DLG2: variants seen among roughly 807,000 people sequenced by gnomAD.
DLG2 encodes the protein discs large MAGUK scaffold protein 2, also known as disks large homolog 2.
Under a neutral mutation model 132.5 loss-of-function variants are expected in DLG2, and 45 were observed. The observed-to-expected ratio is 0.34, with a 90% CI of 0.27 to 0.44. The LOEUF (loss-of-function observed/expected upper bound fraction) is 0.44, where lower values mean the gene tolerates loss of function less well. Ranked by LOEUF, DLG2 falls within the 20% of genes least tolerant of loss-of-function variation. DLG2 has a pLI of 1.00. For missense variants in DLG2, 1,045 were observed against 1,196.9 expected (o/e 0.87, Z 1.87); for synonymous variants, 424 against 419.6 (o/e 1.01, Z -0.13).
intron 7 of DLG2, among the ~76,000 whole-genome samples, chr11:84,428,779 G>T (rs998805766): frequency 9.8e-5 from 15 of 152,306 alleles, no homozygotes; most frequent in African/African-American, 3.1e-4. Flanking sequence ...GTGGGATGGA[G>T]ATTCTCTAAA....
intron 3 of DLG2, among the ~76,000 whole-genome samples, chr11:85,377,605 T>C (rs1272616020): frequency 6.6e-6 from 1 of 151,980 alleles, no homozygotes; most frequent in Non-Finnish European, 1.5e-5. Flanking sequence ...AAAAAAGACA[T>C]TGTTCCTTAG....
chr11:84,571,628 A>G (rs534221774), intron 6 of DLG2, among the ~76,000 whole-genome samples: 3 of 152,190 alleles, frequency 2.0e-5, no homozygotes, highest in Non-Finnish European at 4.4e-5. Flanking sequence ...TTCCCTATGA[A>G]CAAGCAGCAC....
intron 6 of DLG2, among the ~76,000 whole-genome samples, chr11:84,870,470 C>T (rs2085304930): frequency 6.6e-6 from 1 of 152,126 alleles, no homozygotes; most frequent in Admixed American, 6.5e-5. Flanking sequence ...CCTTTCCTCC[C>T]CGATTAATAG....
intron 12 of DLG2, among the ~76,000 whole-genome samples, chr11:83,976,035 G>C (rs1592184562): frequency 6.6e-6 from 1 of 151,810 alleles, no homozygotes. Context: ...AGATACATAC[G>C]TTAAATTCTG....
In DLG2 at chr11:84,823,986, G is replaced by A. The variant is rs73514951; in HGVS notation, c.357+287675C>T. Among the ~76,000 whole-genome samples, 235 of 152,048 alleles carry A rather than the reference G, an allele frequency of 1.5e-3. 1 individual carries two copies. Among genetic ancestry groups the A allele is most frequent in the African/African-American group, 5.4e-3 (225 of 41,542 alleles). ...TCTAGGCATTGTGAGAAGCACTTGAGTGAGTTACTAATAGGAGTAAAACAA... is the reference window on the plus strand; with the variant it reads ...TCTAGGCATTGTGAGAAGCACTTGAATGAGTTACTAATAGGAGTAAAACAA... On this transcript the variant is annotated intron_variant, in intron 6 of 27. Coordinates refer to ENST00000376104, the MANE Select transcript of DLG2 (RefSeq NM_001142699.3).
chr11:85,529,470 C>T (rs1019709070), intron 3 of DLG2, among the ~76,000 whole-genome samples: 1 of 151,914 alleles, frequency 6.6e-6, no homozygotes, highest in African/African-American at 2.4e-5. Flanking sequence ...TCACTTGCTA[C>T]AAGAATAAAG....
intron 5 of DLG2, among the ~76,000 whole-genome samples, chr11:85,120,413 A>G (rs1216067327): frequency 6.6e-6 from 1 of 152,046 alleles, no homozygotes; most frequent in East Asian, 1.9e-4. Context: ...TTGCAAGAAA[A>G]CACCATATCT....
intron 3 of DLG2, among the ~76,000 whole-genome samples, chr11:85,304,487 G>T (rs1166029744): frequency 1.3e-5 from 2 of 152,020 alleles, no homozygotes; most frequent in African/African-American, 4.8e-5. Context: ...TTGAAAAAGA[G>T]ATTATACAGG....
At chr11:83,669,655 A>AT (rs1348727492) in intron 18 of DLG2, among the ~76,000 whole-genome samples, 1 of 152,194 alleles carries the variant, frequency 6.6e-6, no homozygotes, top group African/African-American at 2.4e-5. Flanking sequence ...TTTTGACTCT[A>AT]TTTTGAAGGG....
chr11:83,897,647 G>C (rs547843302), intron 15 of DLG2, among the ~76,000 whole-genome samples: 3 of 152,100 alleles, frequency 2.0e-5, no homozygotes, highest in Non-Finnish European at 2.9e-5. Context: ...ATCACCCATT[G>C]ATTTATTCCA....
intron 19 of DLG2, among the ~76,000 whole-genome samples, chr11:83,558,848 C>CGT (rs3039336): frequency 0.13 from 18,467 of 142,110 alleles, 1,291 homozygotes; most frequent in East Asian, 0.22. Flanking sequence ...TGCTAGATGT[C>CGT]GTGTGTGTGT....
chr11:85,529,198 A>G lies in DLG2; in HGVS notation c.40+69459T>C, dbSNP rs566792271. 7.9e-5 allele frequency among the ~76,000 whole-genome samples: 12 copies of G among 152,326 alleles called. No homozygotes were observed. The East Asian group carries it at 2.1e-3, about 27-fold the overall frequency. ...CTTTGAGAAATGTAGGAGCATACAG[A>G]TGGAACTCTCCTTCACCTACATTCC... is the stretch of plus-strand genomic sequence containing the variant. On this transcript the variant is annotated intron_variant, in intron 3 of 27. Coordinates refer to ENST00000376104, the MANE Select transcript of DLG2 (RefSeq NM_001142699.3).
chr11:84,993,969 C>T (rs1484469179), intron 6 of DLG2, among the ~76,000 whole-genome samples: 1 of 152,056 alleles, frequency 6.6e-6, no homozygotes, highest in Non-Finnish European at 1.5e-5. Flanking sequence ...AGCAAACCAC[C>T]GTGGCACATG....
At chr11:85,123,807 AG>A (rs1370634544) in intron 5 of DLG2, among the ~76,000 whole-genome samples, 1 of 152,234 alleles carries the variant, frequency 6.6e-6, no homozygotes, top group East Asian at 1.9e-4. Context: ...ATATTAAAAC[AG>A]AGATATGAGG....
rs190892772 is a variant in DLG2, at chr11:83,974,652, C to T, written c.1056+5854G>A. Reference sequence around the variant, plus strand: ...CGTATTTGGTCACAGAGTCTATTCACGTGACACAGAAAAGAGAACAATATT... The same window carrying T: ...CGTATTTGGTCACAGAGTCTATTCATGTGACACAGAAAAGAGAACAATATT... On this transcript the variant is annotated intron_variant, in intron 12 of 27. Transcript: ENST00000376104. 3.4e-3 allele frequency among the ~76,000 whole-genome samples: 512 copies of T among 152,008 alleles called. 2 individuals carry two copies. The highest frequency in any genetic ancestry group is 4.1e-3 in the Non-Finnish European group (277 of 67,930).
chr11:85,515,511 A>T (rs552238618), intron 3 of DLG2, among the ~76,000 whole-genome samples: 1 of 152,068 alleles, frequency 6.6e-6, no homozygotes, highest in South Asian at 2.1e-4. Flanking sequence ...CTTCAGCTGA[A>T]AATTGAGGAT....
intron 5 of DLG2, among the ~76,000 whole-genome samples, chr11:85,134,320 G>A (rs1031708690): frequency 1.3e-5 from 2 of 149,872 alleles, no homozygotes. Context: ...ACGAGGTCAG[G>A]AGATCGAGAC....
At chr11:84,759,587 A>G (rs2067326517) in intron 6 of DLG2, among the ~76,000 whole-genome samples, 1 of 152,190 alleles carries the variant, frequency 6.6e-6, no homozygotes, top group Non-Finnish European at 1.5e-5. Flanking sequence ...CCAAAAACAA[A>G]TGTTTTGAAT....
intron 5 of DLG2, among the ~76,000 whole-genome samples, chr11:85,118,716 GTT>G: frequency 6.6e-6 from 1 of 151,946 alleles, no homozygotes. Flanking sequence ...AGAGGAGAGA[GTT>G]TAATACCATG....
Sources: allele counts gnomAD v4.1 joint callset (sites outside exome capture counted in the v4.1 genomes callset), GRCh38; gene constraint gnomAD v4.1.1; transcripts MANE v1.5; gene names NCBI Gene and HGNC (gene_info 2026-07-23, HGNC 2026-07-21).